The following CHST8 variants were observed in gnomAD, a reference collection of about 807,000 sequenced individuals.
CHST8 encodes the protein carbohydrate sulfotransferase 8, also known as GALNAC-4-ST1.
In CHST8, 10 loss-of-function variants were observed where a neutral mutation model predicts 15.0. The observed-to-expected ratio is 0.67, with a 90% CI of 0.41 to 1.13. The LOEUF (loss-of-function observed/expected upper bound fraction) is 1.13. Among genes scored for constraint, CHST8 ranks in the 50% most tolerant of loss-of-function variants. The pLI, the probability that CHST8 is intolerant of heterozygous loss-of-function variation, is 0.00. For missense variants in CHST8, 634 were observed against 608.2 expected (o/e 1.04, Z -0.45); for synonymous variants, 259 against 256.6 (o/e 1.01, Z -0.09).
At chr19:33,758,483 A>G (rs1974649779) in intron 3 of CHST8, among the ~76,000 whole-genome samples, 1 of 152,242 alleles carries the variant, frequency 6.6e-6, no homozygotes, top group South Asian at 2.1e-4. Context: ...ACTTCAAAGA[A>G]GCATCACTTA....
chr19:33,701,862 T>C (rs1973343334), intron 3 of CHST8, among the ~76,000 whole-genome samples: 1 of 152,244 alleles, frequency 6.6e-6, no homozygotes, highest in Non-Finnish European at 1.5e-5. Context: ...CCCAAAGTCC[T>C]GAAGCCTGCG....
intron 2 of CHST8, among the ~76,000 whole-genome samples, chr19:33,681,781 C>T (rs552639639): frequency 6.6e-6 from 1 of 152,124 alleles, no homozygotes; most frequent in East Asian, 1.9e-4. Context: ...GGCCAGAGAA[C>T]CTGGGGTGCC....
intron 3 of CHST8, among the ~76,000 whole-genome samples, chr19:33,694,169 CATATATATATATATATATATAT>C (rs397842550): frequency 0.15 from 6,207 of 40,194 alleles, 258 homozygotes; most frequent in East Asian, 0.23. Flanking sequence ...GTAGTTTATT[CATATATATATATATATATATAT>C]ATATATATAT....
chr19:33,667,972 T>G (rs1318447548), intron 2 of CHST8, 129 bp downstream of exon 2: 10 of 152,166 alleles, frequency 6.6e-5, no homozygotes, highest in Admixed American at 6.5e-4. Flanking sequence ...ATTTATGCCC[T>G]TGTGTCGGGG....
intron 1 of CHST8, among the ~76,000 whole-genome samples, chr19:33,631,705 T>C (rs1018918276): frequency 1.3e-5 from 2 of 152,172 alleles, no homozygotes; most frequent in Non-Finnish European, 2.9e-5. Context: ...ATTTCACTCT[T>C]CTTGATTCCC....
chr19:33,760,673 C>T (rs1461454355), intron 3 of CHST8, among the ~76,000 whole-genome samples: 3 of 152,112 alleles, frequency 2.0e-5, no homozygotes. Context: ...TCCCAGGAGC[C>T]TTGCTTTCAT....
At chr19:33,647,710 G>C (rs1457837685) in intron 1 of CHST8, among the ~76,000 whole-genome samples, 1 of 152,014 alleles carries the variant, frequency 6.6e-6, no homozygotes, top group Non-Finnish European at 1.5e-5. Flanking sequence ...GCCAGGCATG[G>C]TGGCGTGCAC....
intron 1 of CHST8, among the ~76,000 whole-genome samples, chr19:33,650,732 C>CA (rs2145210747): frequency 6.6e-6 from 1 of 151,512 alleles, no homozygotes; most frequent in East Asian, 1.9e-4. Context: ...TATCTTGAGA[C>CA]AGTCTTGCTC....
intron 1 of CHST8, among the ~76,000 whole-genome samples, chr19:33,646,172 A>G (rs779838368): frequency 1.4e-4 from 21 of 152,132 alleles, no homozygotes; most frequent in Non-Finnish European, 2.9e-4. Context: ...TCCTGGCAGT[A>G]GTTGGGAGAT....
chr19:33,692,892 A>G (rs1032700703), intron 3 of CHST8, among the ~76,000 whole-genome samples: 10 of 152,070 alleles, frequency 6.6e-5, no homozygotes, highest in African/African-American at 2.4e-4. Context: ...ACCCCCCACC[A>G]ACACCAGGCT....
At chr19:33,694,665 C>T (rs772933512) in intron 3 of CHST8, among the ~76,000 whole-genome samples, 7 of 152,032 alleles carry the variant, frequency 4.6e-5, no homozygotes, top group South Asian at 2.1e-4. Context: ...CTGCAACTTC[C>T]GCCTCCCAGG....
chr19:33,765,513 TTGTG>T (rs61673440), intron 3 of CHST8, among the ~76,000 whole-genome samples: 21,474 of 131,814 alleles, frequency 0.16, 1,824 homozygotes, highest in African/African-American at 0.21. Context: ...ATGCCAGTCT[TTGTG>T]TGTGTGTGTG....
intron 1 of CHST8, among the ~76,000 whole-genome samples, chr19:33,627,091 C>T (rs941651047): frequency 9.7e-6 from 1 of 103,592 alleles, no homozygotes; most frequent in Admixed American, 1.2e-4. Context: ...TGCCTGTCCT[C>T]TTTTTTTGGG....
intron 1 of CHST8, among the ~76,000 whole-genome samples, chr19:33,643,584 T>C (rs746785301): frequency 6.6e-6 from 1 of 152,218 alleles, no homozygotes; most frequent in Non-Finnish European, 1.5e-5. Context: ...ATTCACTCTT[T>C]GCTTGCTGAT....
At chr19:33,668,521 A>G (rs1972692914) in intron 2 of CHST8, among the ~76,000 whole-genome samples, 1 of 152,128 alleles carries the variant, frequency 6.6e-6, no homozygotes, top group African/African-American at 2.4e-5. Flanking sequence ...CTACCCCAGA[A>G]GTGGTCATGA....
intron 3 of CHST8, among the ~76,000 whole-genome samples, chr19:33,754,894 G>A (rs764232153): frequency 4.6e-5 from 7 of 152,194 alleles, no homozygotes; most frequent in Non-Finnish European, 8.8e-5. Flanking sequence ...AGGTCTTGAT[G>A]GAAAAGGATC....
chr19:33,643,742 G>T (rs553301063), intron 1 of CHST8, among the ~76,000 whole-genome samples: 1 of 152,206 alleles, frequency 6.6e-6, no homozygotes, highest in Non-Finnish European at 1.5e-5. Flanking sequence ...ATCTTAGGAG[G>T]CAGATCCCCT....
At chr19:33,757,985 C>G (rs943653562) in intron 3 of CHST8, among the ~76,000 whole-genome samples, 8 of 152,192 alleles carry the variant, frequency 5.3e-5, no homozygotes, top group African/African-American at 1.9e-4. Context: ...GAGATTCACC[C>G]CAGCTCTGAA....
In CHST8 at chr19:33,689,380, A is replaced by G; in HGVS notation, c.119A>G (p.Gln40Arg). Residue 40 changes from glutamine to arginine, a missense_variant, in exon 3 of 5, where the codon CAG becomes CGG. Transcript: ENST00000650847. ...CAGGACCCTACGGAGCTCGCCCCCC[A>G]GCAGGTGCCAGGTGAGTCCTTGCGC... ...SLQDPTELAP[Q>R]QVPGIKFNIR... 6.3e-7 allele frequency: 1 copy of G among 1,595,906 alleles called. No individual in the cohort carries two copies. Among genetic ancestry groups the G allele is most frequent in the Non-Finnish European group, 8.5e-7 (1 of 1,173,688 alleles).
Sources: gnomAD v4.1 joint callset for allele counts (sites outside exome capture counted in the v4.1 genomes callset) on GRCh38, gnomAD v4.1.1 for gene constraint, MANE v1.5 for transcripts, NCBI Gene and HGNC (gene_info 2026-07-23, HGNC 2026-07-21) for gene names.